Variants in SLC16A7 observed in about 807,000 individuals in gnomAD.
SLC16A7 encodes the protein solute carrier family 16 member 7.
A neutral mutation model predicts 34.9 loss-of-function variants in SLC16A7; 33 were observed. The observed-to-expected ratio is 0.94, with a 90% confidence interval of 0.72 to 1.26. The LOEUF (loss-of-function observed/expected upper bound fraction) is 1.26. Ranked by LOEUF, SLC16A7 falls within the 50% of genes most tolerant of loss-of-function variation. The pLI, the probability that SLC16A7 is intolerant of heterozygous loss-of-function variation, is 0.00. For synonymous variants in SLC16A7, 201 were observed against 206.6 expected, an observed-to-expected ratio of 0.97 and a Z score of 0.23; for missense variants, 573 against 578.1, an observed-to-expected ratio of 0.99 and a Z score of 0.09.
At chr12:59,690,178 A>G (rs536536747) in intron 2 of SLC16A7, among the ~76,000 whole-genome samples, 36 of 152,150 alleles carry the variant, frequency 2.4e-4, no homozygotes, top group African/African-American at 8.7e-4. Flanking sequence ...GAGAGAAGAA[A>G]AGACTGCACA....
rs549087642 is a variant in SLC16A7 at position 59,714,813 on chromosome 12, C to T, written c.217+9795C>T. On this transcript the variant is annotated intron_variant, in intron 3 of 5. Coordinates refer to ENST00000547379, the MANE Select transcript of SLC16A7 (RefSeq NM_001270623.2). ...CTCCTGACCTCAGGTGATCCACCCG[C>T]CTCGGCCTCCCAAAGTGCTGGGATT... 3.9e-5 allele frequency among the ~76,000 whole-genome samples: 6 copies of T among 152,242 alleles called. No individual in the cohort carries two copies. In the South Asian group the frequency reaches 1.0e-3, roughly 26 times the overall value.
chr12:59,646,324 G>T (rs1405768554), intron 1 of SLC16A7, among the ~76,000 whole-genome samples: 1 of 152,168 alleles, frequency 6.6e-6, no homozygotes, highest in Non-Finnish European at 1.5e-5. Flanking sequence ...TGGATGCTTT[G>T]TGTCTCAGCC....
chr12:59,671,921 G>A (rs200371782), intron 2 of SLC16A7, among the ~76,000 whole-genome samples: 5,623 of 55,950 alleles, frequency 0.1, 2,191 homozygotes, highest in East Asian at 0.69. Context: ...ATGTATATAT[G>A]TATATATCCA....
intron 1 of SLC16A7, among the ~76,000 whole-genome samples, chr12:59,629,126 T>C (rs1880066460): frequency 6.6e-6 from 1 of 151,834 alleles, no homozygotes; most frequent in Non-Finnish European, 1.5e-5. Context: ...AGTTCTCTGA[T>C]CTCTTCTTAT....
chr12:59,657,852 C>G (rs1161345943), intron 2 of SLC16A7, among the ~76,000 whole-genome samples: 1 of 151,896 alleles, frequency 6.6e-6, no homozygotes, highest in Non-Finnish European at 1.5e-5. Flanking sequence ...TATAGTTAGG[C>G]AGGGAGGTAA....
intron 1 of SLC16A7, among the ~76,000 whole-genome samples, chr12:59,641,604 T>G (rs1205758662): frequency 6.6e-5 from 10 of 152,022 alleles, no homozygotes; most frequent in Non-Finnish European, 1.5e-4. Context: ...TAGTCCGTTG[T>G]ACAAAATATT....
intron 1 of SLC16A7, among the ~76,000 whole-genome samples, chr12:59,637,486 C>G (rs1293029741): frequency 6.6e-6 from 1 of 151,222 alleles, no homozygotes; most frequent in African/African-American, 2.4e-5. Flanking sequence ...TAGCATTCAC[C>G]TTTGTAGGGT....
At chr12:59,663,609 T>A (rs1214782706) in intron 2 of SLC16A7, among the ~76,000 whole-genome samples, 1 of 152,116 alleles carries the variant, frequency 6.6e-6, no homozygotes, top group Non-Finnish European at 1.5e-5. Flanking sequence ...TATAGACTGC[T>A]TTTGGTTGTC....
intron 3 of SLC16A7, among the ~76,000 whole-genome samples, chr12:59,751,780 C>T (rs1257316620): frequency 6.6e-6 from 1 of 152,220 alleles, no homozygotes; most frequent in Non-Finnish European, 1.5e-5. Context: ...AGCTGGAGAT[C>T]TGAGATTGGG....
chr12:59,736,411 C>A (rs1877608649), intron 3 of SLC16A7, among the ~76,000 whole-genome samples: 1 of 152,034 alleles, frequency 6.6e-6, no homozygotes, highest in Non-Finnish European at 1.5e-5. Flanking sequence ...TTTTAAGCAC[C>A]ATATCCAAAT....
intron 3 of SLC16A7, among the ~76,000 whole-genome samples, chr12:59,753,724 A>C (rs1457598012): frequency 1.3e-5 from 2 of 152,206 alleles, no homozygotes; most frequent in African/African-American, 4.8e-5. Flanking sequence ...AAGGATACCC[A>C]GGAATTGAAC....
chr12:59,757,740 C>T (rs530731582), intron 3 of SLC16A7, among the ~76,000 whole-genome samples: 11 of 152,076 alleles, frequency 7.2e-5, no homozygotes, highest in African/African-American at 2.4e-4. Flanking sequence ...TTCTCCTCTT[C>T]CTCCTCCTCC....
intron 1 of SLC16A7, among the ~76,000 whole-genome samples, chr12:59,599,682 C>T (rs1403685089): frequency 2.0e-5 from 3 of 152,138 alleles, no homozygotes; most frequent in Non-Finnish European, 2.9e-5. Flanking sequence ...GAATGGCATG[C>T]GGCAAAGAAT....
chr12:59,777,451 A>C (rs1442396313), intron 5 of SLC16A7, among the ~76,000 whole-genome samples: 1 of 152,152 alleles, frequency 6.6e-6, no homozygotes, highest in East Asian at 1.9e-4. Context: ...CACAGCAGTG[A>C]AAAGTAGGGA....
chr12:59,687,436 T>C (rs1871246934), intron 2 of SLC16A7, among the ~76,000 whole-genome samples: 1 of 152,118 alleles, frequency 6.6e-6, no homozygotes, highest in Non-Finnish European at 1.5e-5. Flanking sequence ...TTTGAAGATA[T>C]CAGGGAAAAG....
chr12:59,732,087 T>C (rs181444050), intron 3 of SLC16A7, among the ~76,000 whole-genome samples: 12 of 151,900 alleles, frequency 7.9e-5, no homozygotes, highest in Non-Finnish European at 1.5e-4. Context: ...TCCATATATA[T>C]AGAGAAAAGC....
intron 2 of SLC16A7, among the ~76,000 whole-genome samples, chr12:59,670,463 T>C (rs1314321917): frequency 6.6e-6 from 1 of 152,128 alleles, no homozygotes; most frequent in Non-Finnish European, 1.5e-5. Context: ...TACATACATA[T>C]GATTCCAACA....
intron 2 of SLC16A7, among the ~76,000 whole-genome samples, chr12:59,685,119 T>A (rs912080950): frequency 2.6e-5 from 4 of 152,178 alleles, no homozygotes; most frequent in African/African-American, 9.7e-5. Flanking sequence ...CCGGTCATCT[T>A]CCATAAGTGA....
intron 1 of SLC16A7, among the ~76,000 whole-genome samples, chr12:59,640,254 T>C (rs1049060225): frequency 1.3e-5 from 2 of 152,122 alleles, no homozygotes; most frequent in Non-Finnish European, 1.5e-5. Flanking sequence ...GACATTAGGC[T>C]CAACACAATT....
Sources: allele counts gnomAD v4.1 joint callset (sites outside exome capture counted in the v4.1 genomes callset), GRCh38; gene constraint gnomAD v4.1.1; transcripts MANE v1.5; gene names NCBI Gene and HGNC (gene_info 2026-07-23, HGNC 2026-07-21).